GOPC: variants seen among roughly 807,000 people sequenced by gnomAD.
GOPC encodes Golgi-associated PDZ and coiled-coil motif-containing protein.
A neutral mutation model predicts 51.2 loss-of-function variants in GOPC; 32 were observed. The ratio of observed to expected loss-of-function variants is 0.63; its 90% confidence interval spans 0.47 to 0.84. The LOEUF is 0.84. Ranked by LOEUF, GOPC falls within the 40% of genes least tolerant of loss-of-function variation. The pLI is 0.00. For missense variants in GOPC, 441 were observed against 555.5 expected, an observed-to-expected ratio of 0.79 and a Z score of 2.07; for synonymous variants, 190 against 205.1, an observed-to-expected ratio of 0.93 and a Z score of 0.63.
chr6:117,578,130 A>G (rs1248858209), intron 2 of GOPC, among the ~76,000 whole-genome samples: 1 of 152,100 alleles, frequency 6.6e-6, no homozygotes, highest in Non-Finnish European at 1.5e-5. Context: ...TGCTTACAAT[A>G]TATTAAGAGC....
chr6:117,581,451 T>A (rs1235608271), intron 1 of GOPC, among the ~76,000 whole-genome samples: 1 of 113,454 alleles, frequency 8.8e-6, no homozygotes, highest in Non-Finnish European at 1.7e-5. Flanking sequence ...TATTTAACTA[T>A]CACTCAGATC....
chr6:117,570,601 A>G (rs1163571981), intron 6 of GOPC, among the ~76,000 whole-genome samples: 1 of 152,060 alleles, frequency 6.6e-6, no homozygotes, highest in African/African-American at 2.4e-5. Context: ...GAGGCATCAC[A>G]GTATATGGCA....
intron 8 of GOPC, among the ~76,000 whole-genome samples, chr6:117,564,088 C>T (rs1335625198): frequency 6.6e-6 from 1 of 151,736 alleles, no homozygotes; most frequent in African/African-American, 2.4e-5. Context: ...AGCAATCCTT[C>T]CACCTCAGCC....
At chr6:117,585,339 T>A (rs1383914484) in intron 1 of GOPC, among the ~76,000 whole-genome samples, 2 of 152,176 alleles carry the variant, frequency 1.3e-5, no homozygotes, top group African/African-American at 4.8e-5. Context: ...TCCAATTATT[T>A]TACCTTAAGC....
intron 1 of GOPC, among the ~76,000 whole-genome samples, chr6:117,584,887 C>A (rs1049042960): frequency 2.6e-5 from 4 of 151,702 alleles, no homozygotes; most frequent in African/African-American, 9.7e-5. Context: ...CCCCACCTTA[C>A]TCTTGCTTCT....
intron 1 of GOPC, among the ~76,000 whole-genome samples, chr6:117,588,819 T>TAA (rs918269190): frequency 2.1e-5 from 3 of 143,064 alleles, no homozygotes; most frequent in African/African-American, 7.6e-5. Flanking sequence ...TAACCCACAT[T>TAA]AAAAAAAAAA....
chr6:117,598,782 G>GC (rs1771932585), intron 1 of GOPC, among the ~76,000 whole-genome samples: 1 of 152,100 alleles, frequency 6.6e-6, no homozygotes, highest in South Asian at 2.1e-4. Context: ...CTGGTCCACA[G>GC]CCCGGGGTAA....
Position 117,566,865 on chromosome 6 carries a change from T to G in GOPC, c.1247A>C (p.Lys416Thr), listed in dbSNP as rs777824881. Residue 416 changes from lysine (K) to threonine (T), a missense_variant, in exon 8 of 9, where the codon AAA (lysine) becomes ACA (threonine). Lys to Thr is a moderately conservative substitution (Grantham distance 78). This residue lies in a region of GOPC where 71 missense variants were observed against 68.8 expected (regional missense o/e 1.03). Coordinates refer to ENST00000368498, the MANE Select transcript of GOPC (RefSeq NM_020399.4). ...AGAGTGATTTTTACCTTGTAATACT[T>G]TGATTTCCCCACTTGTGTCTTTGCA... is the stretch of plus-strand genomic sequence containing the variant. ...ASCKDTSGEIKVLQGFNKKAV... is the reference protein window; with the variant it reads ...ASCKDTSGEITVLQGFNKKAV... 3 of 1,569,276 alleles carry G rather than the reference T, an allele frequency of 1.9e-6. No individual in the cohort carries two copies. In the African/African-American group the frequency reaches 4.1e-5, roughly 21 times the overall value.
Position 117,602,194 on chromosome 6 carries a change from C to G in GOPC, c.95G>C (p.Arg32Pro), listed in dbSNP as rs1355801420. Residue 32 changes from arginine to proline, a missense_variant, in exon 1 of 9, where the codon CGG becomes CCG. Arg to Pro is a moderately radical substitution (Grantham distance 103). Coordinates refer to ENST00000368498, the MANE Select transcript of GOPC (RefSeq NM_020399.4). ...VGAPGGVSMF[R>P]WLEVLEKEFD... ...CTCCTTCTCCAGCACCTCCAGCCACCGGAACATGGATACCCCGCCAGGGGC... is the reference window on the plus strand; with the variant it reads ...CTCCTTCTCCAGCACCTCCAGCCACGGGAACATGGATACCCCGCCAGGGGC... 1.2e-6 allele frequency: 2 copies of G among 1,611,538 alleles called. No homozygotes were observed. The highest frequency in any genetic ancestry group is 1.7e-6 in the Non-Finnish European group (2 of 1,180,014).
At chr6:117,591,941 G>GAAGAAT (rs1184270566) in intron 1 of GOPC, among the ~76,000 whole-genome samples, 1 of 152,206 alleles carries the variant, frequency 6.6e-6, no homozygotes, top group African/African-American at 2.4e-5. Context: ...GAACACCCGA[G>GAAGAAT]AAGAATAAGG....
intron 1 of GOPC, among the ~76,000 whole-genome samples, chr6:117,585,585 A>C (rs1780019014): frequency 6.6e-6 from 1 of 152,226 alleles, no homozygotes; most frequent in African/African-American, 2.4e-5. Context: ...TACAAATTGC[A>C]TGGTATTAAA....
chr6:117,572,197 C>G (rs1232283665), intron 5 of GOPC, among the ~76,000 whole-genome samples: 7 of 152,158 alleles, frequency 4.6e-5, no homozygotes, highest in Non-Finnish European at 1.0e-4. Context: ...CCAAATCCTT[C>G]CTTTTCTTCT....
At chr6:117,565,287 A>G (rs1779673467) in intron 8 of GOPC, among the ~76,000 whole-genome samples, 1 of 152,222 alleles carries the variant, frequency 6.6e-6, no homozygotes, top group South Asian at 2.1e-4. Context: ...TATTACAAGT[A>G]TATGAAGAAA....
intron 7 of GOPC, among the ~76,000 whole-genome samples, chr6:117,567,708 T>C (rs1779726201): frequency 6.6e-6 from 1 of 152,012 alleles, no homozygotes; most frequent in South Asian, 2.1e-4. Context: ...ATAATCCTAT[T>C]ATAGTCTCTT....
At chr6:117,598,700 G>A (rs910333597) in intron 1 of GOPC, among the ~76,000 whole-genome samples, 3 of 152,152 alleles carry the variant, frequency 2.0e-5, no homozygotes, top group Non-Finnish European at 1.5e-5. Context: ...CCAGAGGTCA[G>A]GCTGTAATGC....
chr6:117,577,017 G>A (rs1423198211), intron 3 of GOPC, among the ~76,000 whole-genome samples: 1 of 35,592 alleles, frequency 2.8e-5, no homozygotes, highest in Admixed American at 3.0e-4. Context: ...CAAGACTCTT[G>A]AAAAGTTGTA....
intron 1 of GOPC, among the ~76,000 whole-genome samples, chr6:117,598,322 A>G (rs1363888412): frequency 6.6e-6 from 1 of 152,010 alleles, no homozygotes; most frequent in Non-Finnish European, 1.5e-5. Context: ...ACAGTGAGCT[A>G]TGATTGCACC....
Position 117,560,289 on chromosome 6 carries a change from A to ATGTT in GOPC, c.*2961_*2964dup, listed in dbSNP as rs377447730. ...AAATATTTAACGTCAAGGAAACAAA[A>ATGTT]TGTTTATTTAAAAAAATGAGATCAA... On this transcript the variant is annotated 3_prime_UTR_variant, in exon 9 of 9. Coordinates refer to ENST00000368498, the MANE Select transcript of GOPC (RefSeq NM_020399.4). 1 of 175,474 alleles carries ATGTT rather than the reference A, an allele frequency of 5.7e-6. No individual in the cohort carries two copies. 10.9% of individuals were successfully genotyped at this position (175,474 alleles called of 1,614,324 possible). A position where few individuals can be genotyped will look rare whatever the true frequency, so the allele number is the denominator to read the frequency against.
intron 1 of GOPC, among the ~76,000 whole-genome samples, chr6:117,593,679 G>C (rs1780152206): frequency 6.6e-6 from 1 of 152,150 alleles, no homozygotes; most frequent in African/African-American, 2.4e-5. Context: ...AGAATTGGAT[G>C]AATCAGTCTA....
Sources: allele counts gnomAD v4.1 joint callset (sites outside exome capture counted in the v4.1 genomes callset), GRCh38; gene constraint gnomAD v4.1.1; regional missense constraint gnomAD v4.1.1; transcripts MANE v1.5; gene names NCBI Gene and HGNC (gene_info 2026-07-23, HGNC 2026-07-21).